Variants in PCDHGA1 observed in about 807,000 individuals in gnomAD.
PCDHGA1 encodes protocadherin gamma subfamily A, 1.
In PCDHGA1, 32 loss-of-function variants were observed where a neutral mutation model predicts 58.0. The ratio of observed to expected loss-of-function variants is 0.55; its 90% CI spans 0.42 to 0.74. The LOEUF (loss-of-function observed/expected upper bound fraction) is 0.74. PCDHGA1 is among the 30% of genes least tolerant of loss of function. PCDHGA1 has a pLI of 0.00. For missense variants in PCDHGA1, 1,205 were observed against 1,182.3 expected, an observed-to-expected ratio of 1.02 and a Z score of -0.28; for synonymous variants, 498 against 501.1, an observed-to-expected ratio of 0.99 and a Z score of 0.08.
intron 1 of PCDHGA1, chr5:141,385,839 AT>A (rs758941967): frequency 8.1e-4 from 124 of 153,978 alleles, no homozygotes; most frequent in Admixed American, 2.3e-3. Context: ...CAGTATAATC[AT>A]TTATTAATGG....
intron 1 of PCDHGA1, among the ~76,000 whole-genome samples, chr5:141,362,816 G>C (rs1253772820): frequency 1.3e-5 from 2 of 152,090 alleles, no homozygotes; most frequent in Non-Finnish European, 2.9e-5. Flanking sequence ...ACTTCTCTCT[G>C]CAGATTTGTT....
At chr5:141,361,453 C>T (rs758759325) in intron 1 of PCDHGA1, 1 of 1,613,928 alleles carries the variant, frequency 6.2e-7, no homozygotes, top group East Asian at 2.2e-5. Context: ...AATTGTCACC[C>T]TGCACATCTC....
chr5:141,390,645 G>C (rs1287845868), intron 1 of PCDHGA1: 1 of 218,998 alleles, frequency 4.6e-6, no homozygotes, highest in Admixed American at 5.3e-5. Context: ...ACTTTTTTCA[G>C]CTTGGATATA....
intron 1 of PCDHGA1, chr5:141,441,801 G>A (rs954094882): frequency 7.8e-6 from 3 of 384,492 alleles, no homozygotes; most frequent in African/African-American, 4.4e-5. Flanking sequence ...CGCACCGCGG[G>A]TGCTGTACCC....
At chr5:141,395,550 G>T (rs1402921293) in intron 1 of PCDHGA1, 4 of 47,806 alleles carry the variant, frequency 8.4e-5, no homozygotes, top group South Asian at 8.8e-4. Flanking sequence ...GTTTGTGTGT[G>T]TGTGTGTGTG....
intron 1 of PCDHGA1, chr5:141,356,107 A>C: frequency 6.2e-7 from 1 of 1,613,872 alleles, no homozygotes; most frequent in Non-Finnish European, 8.5e-7. Flanking sequence ...GGATATAACA[A>C]TATTGGGGGG....
At position 141,350,695 on chromosome 5, in the gene PCDHGA1, C is replaced by A. The variant is rs570147190; in HGVS notation, c.2421+17590C>A. 1.9e-6 allele frequency: 3 copies of A among 1,613,934 alleles called. No homozygotes were observed. The South Asian group carries it at 3.3e-5, about 18-fold the overall frequency. ...TAGAAATTTGTGAGTCAGCCTTACC[C>A]GGGGTAAAATTCTCTCTGGATTCTG... On this transcript the variant is annotated intron_variant, in intron 1 of 3. Transcript: ENST00000517417.
At chr5:141,372,060 A>T in intron 1 of PCDHGA1, 1 of 1,613,540 alleles carries the variant, frequency 6.2e-7, no homozygotes, top group East Asian at 2.2e-5. Flanking sequence ...GGACGACCGC[A>T]ACGACAATGC....
In PCDHGA1 at chr5:141,432,296, G is replaced by T; in HGVS notation, c.2422-62511G>T. On this transcript the variant is annotated intron_variant, in intron 1 of 3. Coordinates refer to ENST00000517417, the MANE Select transcript of PCDHGA1 (RefSeq NM_018912.3). This position sits in a 1 kb window ranked among gnomAD's most constrained non-coding sequence, Gnocchi z 6.0. ...CGTGTCCATCAACTCCGACACTGGG[G>T]TACTGTATGCGCTGAGCTCCTTCGA... 1 of 1,614,224 alleles carries T rather than the reference G, an allele frequency of 6.2e-7. No individual in the cohort carries two copies. Among genetic ancestry groups the T allele is most frequent in the Non-Finnish European group, 8.5e-7 (1 of 1,180,044 alleles).
chr5:141,358,725 A>G (rs903628182), intron 1 of PCDHGA1, among the ~76,000 whole-genome samples: 4 of 152,232 alleles, frequency 2.6e-5, no homozygotes, highest in Admixed American at 1.3e-4. Context: ...CAAGGAAAAT[A>G]TAAGTTTTTG....
intron 1 of PCDHGA1, chr5:141,403,947 A>C (rs1451597441): frequency 6.2e-7 from 1 of 1,613,886 alleles, no homozygotes; most frequent in Admixed American, 1.7e-5. Flanking sequence ...GGGTGGACAA[A>C]AGTGCTCATT....
intron 1 of PCDHGA1, chr5:141,384,446 C>A (rs781605513): frequency 6.2e-7 from 1 of 1,613,916 alleles, no homozygotes; most frequent in African/African-American, 1.3e-5. Flanking sequence ...GTCCTGTACG[C>A]GCTGCAATCC....
At position 141,330,976 on chromosome 5, in the gene PCDHGA1, C is replaced by G. The variant is rs149721215; in HGVS notation, c.292C>G (p.Gln98Glu). The G allele has an allele frequency of 7.5e-5, 121 of 1,614,162 alleles. No individual in the cohort carries two copies. The African/African-American group carries it at 1.5e-3, about 20-fold the overall frequency. ...GATAGACCGGGAGGAGCTCTGCGCT[C>G]AGAGCATGCCGTGTCTCGTGAGTTT... ...RRIDREELCA[Q>E]SMPCLVSFNI... Residue 98 changes from glutamine (Q) to glutamate (E), a missense_variant, in exon 1 of 4, where the codon CAG becomes GAG. By Grantham distance (29) the Gln-to-Glu change is conservative. Transcript: ENST00000517417.
intron 1 of PCDHGA1, among the ~76,000 whole-genome samples, chr5:141,446,153 AT>A (rs1158236808): frequency 1.3e-5 from 2 of 152,362 alleles, no homozygotes; most frequent in East Asian, 3.9e-4. Flanking sequence ...TAGGTGGAAT[AT>A]AAATTTCATG....
chr5:141,345,117 G>A, intron 1 of PCDHGA1: 4 of 1,613,992 alleles, frequency 2.5e-6, no homozygotes. Context: ...AGAGGGCACC[G>A]TTGGAAGAGA....
chr5:141,380,571 T>C (rs529430145), intron 1 of PCDHGA1, among the ~76,000 whole-genome samples: 2 of 152,352 alleles, frequency 1.3e-5, no homozygotes, highest in African/African-American at 4.8e-5. Context: ...ATTAAACATA[T>C]CTTGGCGGTC....
At chr5:141,367,872 ATTC>A (rs771117453) in intron 1 of PCDHGA1, 5 of 152,254 alleles carry the variant, frequency 3.3e-5, no homozygotes, top group African/African-American at 9.6e-5. Context: ...TGTAGGTGCA[ATTC>A]TTCTTTATTA....
At position 141,375,371 on chromosome 5, in the gene PCDHGA1, C is replaced by A. The variant is rs776202756; in HGVS notation, c.2421+42266C>A. On this transcript the variant is annotated intron_variant, in intron 1 of 3. Coordinates refer to ENST00000517417, the MANE Select transcript of PCDHGA1 (RefSeq NM_018912.3). ...TGTGACAGCCACGGACAAAGGAACA[C>A]CACCTCTGTCTACAGAAACAATCAT... is the stretch of plus-strand genomic sequence containing the variant. 6.2e-7 allele frequency: 1 copy of A among 1,613,880 alleles called. No individual in the cohort carries two copies. The highest frequency in any genetic ancestry group is 1.3e-5 in the African/African-American group (1 of 75,046).
At chr5:141,374,071 T>C (rs1443520558) in intron 1 of PCDHGA1, 3 of 1,507,898 alleles carry the variant, frequency 2.0e-6, no homozygotes, top group Non-Finnish European at 2.7e-6. Flanking sequence ...GAGAAGTTCC[T>C]AATAAGCCAG....
Sources: allele counts gnomAD v4.1 joint callset (sites outside exome capture counted in the v4.1 genomes callset), GRCh38; gene constraint gnomAD v4.1.1; non-coding constraint Gnocchi (gnomAD v3.1); transcripts MANE v1.5; gene names NCBI Gene and HGNC (gene_info 2026-07-23, HGNC 2026-07-21).